The following TMCO6 variants were observed in gnomAD, a reference collection of about 807,000 sequenced individuals.
The protein encoded by TMCO6 is transmembrane and coiled-coil domain-containing protein 6.
Under a neutral mutation model 61.8 loss-of-function variants are expected in TMCO6, and 47 were observed. The observed-to-expected ratio is 0.76, with a 90% confidence interval of 0.60 to 0.97. TMCO6 has a LOEUF of 0.97. Ranked by LOEUF, TMCO6 falls within the 50% of genes least tolerant of loss-of-function variation. The pLI, the probability that TMCO6 is intolerant of heterozygous loss-of-function variation, is 0.00. For synonymous variants in TMCO6, 261 were observed against 254.2 expected, an observed-to-expected ratio of 1.03 and a Z score of -0.25; for missense variants, 557 against 601.6, an observed-to-expected ratio of 0.93 and a Z score of 0.78.
chr5:140,642,630 C>A lies in TMCO6; in HGVS notation c.648C>A (p.Ser216=), dbSNP rs1757111118. The change falls in exon 6 of 12, where the codon TCC becomes TCA. Residue 216 remains serine (S), a synonymous_variant. Transcript: ENST00000394671. ...TGGAAGCTCTCGGATATGCCTTGTC[C>A]CAGCTTCTACAGGCTGAGGAAGCTC... The part of the protein sequence containing the change: ...AVLEALGYAL[S]QLLQAEEAPE... 5 of 1,614,226 alleles carry A rather than the reference C, an allele frequency of 3.1e-6. No homozygotes were observed. In the East Asian group the frequency reaches 1.1e-4, roughly 36 times the overall value.
At position 140,642,672 on chromosome 5, in the gene TMCO6, G is replaced by A. The variant is rs367652614; in HGVS notation, c.689+1G>A. The A allele has an allele frequency of 4.3e-5, 69 of 1,613,942 alleles. No homozygotes were observed. The highest frequency in any genetic ancestry group is 5.0e-5 in the Non-Finnish European group (59 of 1,180,016). ...AGGAAGCTCCAGAGAAGATCATTCC[G>A]TGAGTAAAATTGTCTTTAGATGTGC... On this transcript the variant is annotated splice_donor_variant, in intron 6 of 11. Transcript: ENST00000394671. LOFTEE classifies it high-confidence loss of function.
At chr5:140,610,159 G>A in the TMCO6 span, among the ~76,000 whole-genome samples, 2 of 146,964 alleles carry the variant, frequency 1.4e-5, no homozygotes, top group Admixed American at 1.4e-4. Context: ...GACCAGCCTG[G>A]GCAACATGGT....
At chr5:140,606,094 C>G in the TMCO6 span, among the ~76,000 whole-genome samples, 1 of 144,078 alleles carries the variant, frequency 6.9e-6, no homozygotes, top group African/African-American at 2.6e-5. Context: ...CCCCTTCCCC[C>G]CCTTCTTTTC....
chr5:140,627,622 G>A, the TMCO6 span, among the ~76,000 whole-genome samples: 71 of 152,184 alleles, frequency 4.7e-4, 1 homozygote, highest in East Asian at 4.8e-3. Context: ...ATTAATTAGA[G>A]CTCTTTTATA....
chr5:140,632,395 T>C, the TMCO6 span: 1 of 1,614,108 alleles, frequency 6.2e-7, no homozygotes, highest in Non-Finnish European at 8.5e-7. The surrounding 1 kb of genome is among the most constrained non-coding windows in gnomAD (Gnocchi z 6.2). Context: ...TCTAGGCTGG[T>C]AAGGGCCGGG....
chr5:140,626,655 AG>A, the TMCO6 span, among the ~76,000 whole-genome samples: 2 of 152,234 alleles, frequency 1.3e-5, no homozygotes, highest in Non-Finnish European at 2.9e-5. Context: ...TTTTTGAAAC[AG>A]AGTCTCACTC....
chr5:140,625,204 C>T, the TMCO6 span, among the ~76,000 whole-genome samples: 2 of 152,124 alleles, frequency 1.3e-5, no homozygotes, highest in Admixed American at 6.5e-5. Context: ...AGTCTTCTAA[C>T]TTACTCTCTA....
At chr5:140,631,920 G>C in the TMCO6 span, 13 of 1,604,220 alleles carry the variant, frequency 8.1e-6, no homozygotes, top group East Asian at 2.7e-4. Flanking sequence ...CGACAGGGTC[G>C]AACGTGCACA....
chr5:140,604,210 A>C, the TMCO6 span, among the ~76,000 whole-genome samples: 16 of 152,156 alleles, frequency 1.1e-4, no homozygotes, highest in South Asian at 6.2e-4. Context: ...CCTGGGCAAC[A>C]TAGCTACACC....
At chr5:140,631,344 T>G in the TMCO6 span, among the ~76,000 whole-genome samples, 15 of 152,096 alleles carry the variant, frequency 9.9e-5, no homozygotes, top group East Asian at 2.7e-3. Context: ...TGAGTGTGTG[T>G]GTGTGTGAGA....
At chr5:140,607,982 G>A in the TMCO6 span, among the ~76,000 whole-genome samples, 4 of 151,884 alleles carry the variant, frequency 2.6e-5, no homozygotes, top group Non-Finnish European at 5.9e-5. Context: ...TAAAGACAGG[G>A]TTTCTCTATG....
upstream of TMCO6, among the ~76,000 whole-genome samples, chr5:140,637,329 C>T (rs189412527): frequency 3.9e-5 from 6 of 152,228 alleles, no homozygotes; most frequent in African/African-American, 1.4e-4. Flanking sequence ...TCCTCAGTGC[C>T]TAGTAGACTA....
At chr5:140,631,336 A>AGT in the TMCO6 span, among the ~76,000 whole-genome samples, 61 of 151,402 alleles carry the variant, frequency 4.0e-4, no homozygotes, top group African/African-American at 7.0e-4. Context: ...AGGGTGTGTG[A>AGT]GTGTGTGTGT....
chr5:140,614,581 G>A, the TMCO6 span, among the ~76,000 whole-genome samples: 1 of 152,022 alleles, frequency 6.6e-6, no homozygotes, highest in African/African-American at 2.4e-5. Flanking sequence ...TTCCCTCTAA[G>A]GTCATGAACA....
chr5:140,608,212 G>A, the TMCO6 span, among the ~76,000 whole-genome samples: 7 of 152,102 alleles, frequency 4.6e-5, no homozygotes, highest in African/African-American at 1.7e-4. Flanking sequence ...CTTTGCCCAG[G>A]TTTTAATTTG....
chr5:140,640,991 T>G (rs1756993015), intron 2 of TMCO6: 1 of 154,378 alleles, frequency 6.5e-6, no homozygotes, highest in South Asian at 2.0e-4. Flanking sequence ...GGTCATACTA[T>G]TCCATTGTAT....
chr5:140,645,752 G>T (rs1757356266), downstream of TMCO6: 3 of 1,606,090 alleles, frequency 1.9e-6, no homozygotes, highest in South Asian at 3.3e-5. Flanking sequence ...AAAGATCTTT[G>T]TCTTTATCTT....
the TMCO6 span, among the ~76,000 whole-genome samples, chr5:140,618,157 G>A: frequency 1.3e-5 from 2 of 152,130 alleles, no homozygotes; most frequent in Non-Finnish European, 2.9e-5. Flanking sequence ...CGGGCCGCAC[G>A]CGGTGGCTCA....
chr5:140,640,374 T>C (rs1756942258), intron 2 of TMCO6, among the ~76,000 whole-genome samples: 1 of 152,138 alleles, frequency 6.6e-6, no homozygotes, highest in African/African-American at 2.4e-5. Context: ...TCGTTTCTTT[T>C]GGTATTCTGT....
Sources: gnomAD v4.1 joint callset for allele counts (sites outside exome capture counted in the v4.1 genomes callset) on GRCh38, gnomAD v4.1.1 for gene constraint, Gnocchi (gnomAD v3.1) non-coding constraint, MANE v1.5 for transcripts, NCBI Gene and HGNC (gene_info 2026-07-23, HGNC 2026-07-21) for gene names.